Variants in RIT2 observed in about 807,000 individuals in gnomAD.
RIT2 encodes the protein GTP-binding protein Rit2.
In RIT2, 24 loss-of-function variants were observed where a neutral mutation model predicts 23.7. The observed-to-expected ratio is 1.01, with a 90% CI of 0.73 to 1.43. RIT2 has a LOEUF of 1.43. Among genes scored for constraint, RIT2 ranks in the 40% most tolerant of loss-of-function variants. The pLI, the probability that RIT2 is intolerant of heterozygous loss-of-function variation, is 0.00. For synonymous variants in RIT2, 107 were observed against 91.1 expected (o/e 1.17, Z -0.99); for missense variants, 236 against 266.9 (o/e 0.88, Z 0.81).
chr18:42,877,978 C>T (rs556139004), intron 4 of RIT2, among the ~76,000 whole-genome samples: 1 of 151,480 alleles, frequency 6.6e-6, no homozygotes, highest in African/African-American at 2.4e-5. Flanking sequence ...CCCAAGATAC[C>T]ATATTATGTA....
At chr18:43,067,830 G>A (rs139261794) in intron 1 of RIT2, among the ~76,000 whole-genome samples, 99 of 152,210 alleles carry the variant, frequency 6.5e-4, no homozygotes, top group Middle Eastern at 6.8e-3. Context: ...TCTCATGACC[G>A]GAACCAATCT....
At chr18:43,026,588 G>GAAAGAAATAAAT (rs1555652892) in intron 2 of RIT2, among the ~76,000 whole-genome samples, 1 of 109,704 alleles carries the variant, frequency 9.1e-6, no homozygotes, top group Admixed American at 9.0e-5. Flanking sequence ...AAGAAAGAAA[G>GAAAGAAATAAAT]AAAGAAAGAA....
chr18:43,115,457 G>T lies in RIT2; in HGVS notation c.63C>A (p.Tyr21Ter). The T allele has an allele frequency of 3.7e-6, 6 of 1,613,680 alleles. No individual in the cohort carries two copies. The highest frequency in any genetic ancestry group is 5.1e-6 in the Non-Finnish European group (6 of 1,179,822). Residue 21 changes from tyrosine (Y) to a stop codon, truncating the protein, a stop_gained, in exon 1 of 5, where the codon TAC (tyrosine) becomes TAA (stop). Coordinates refer to ENST00000326695, the MANE Select transcript of RIT2 (RefSeq NM_002930.4). LOFTEE classifies it high-confidence loss of function. ...CCCCTGCTCCCAGCATTACCACCTT[G>T]TACTCTCTGGACCCGCCTGATGCGC... ...PGSASGGSREYKVVMLGAGGV... is the reference protein window; with the variant it reads ...PGSASGGSRE
chr18:42,836,630 G>A (rs185765378), intron 4 of RIT2, among the ~76,000 whole-genome samples: 10 of 152,106 alleles, frequency 6.6e-5, no homozygotes, highest in South Asian at 2.1e-4. Flanking sequence ...GAAAAGGAAC[G>A]TTAAGCCCCA....
intron 1 of RIT2, among the ~76,000 whole-genome samples, chr18:43,089,243 A>C (rs1335835889): frequency 6.6e-6 from 1 of 152,116 alleles, no homozygotes; most frequent in East Asian, 1.9e-4. Flanking sequence ...AATGTCAGCA[A>C]AGTCTCAGGA....
At chr18:43,097,135 A>G (rs1035667308) in intron 1 of RIT2, among the ~76,000 whole-genome samples, 1 of 151,952 alleles carries the variant, frequency 6.6e-6, no homozygotes, top group Non-Finnish European at 1.5e-5. Context: ...AAACTGCTAT[A>G]CAATATAATT....
intron 1 of RIT2, among the ~76,000 whole-genome samples, chr18:43,112,769 T>G (rs886779616): frequency 6.6e-6 from 1 of 151,972 alleles, no homozygotes; most frequent in South Asian, 2.1e-4. Flanking sequence ...GAATAAATAT[T>G]AATATACATA....
intron 1 of RIT2, among the ~76,000 whole-genome samples, chr18:43,109,166 C>A (rs1028737197): frequency 6.6e-6 from 1 of 152,180 alleles, no homozygotes; most frequent in African/African-American, 2.4e-5. Context: ...TTTATAAAAT[C>A]CTGCTACATG....
At chr18:42,945,018 T>C (rs1909694296) in intron 3 of RIT2, among the ~76,000 whole-genome samples, 2 of 152,128 alleles carry the variant, frequency 1.3e-5, no homozygotes, top group African/African-American at 2.4e-5. Context: ...AATTATTGCA[T>C]ACTAAGAAAA....
At chr18:43,028,561 A>G (rs1335771836) in intron 2 of RIT2, among the ~76,000 whole-genome samples, 1 of 152,060 alleles carries the variant, frequency 6.6e-6, no homozygotes, top group Non-Finnish European at 1.5e-5. Context: ...CAAACATTCC[A>G]GAGTCATTAA....
chr18:42,938,546 C>T (rs1038068278), intron 3 of RIT2, among the ~76,000 whole-genome samples: 3 of 152,040 alleles, frequency 2.0e-5, no homozygotes, highest in Admixed American at 2.0e-4. Flanking sequence ...ACAAGATAAC[C>T]AAGTTTCAAC....
chr18:43,005,689 C>G (rs1013087950), intron 2 of RIT2, among the ~76,000 whole-genome samples: 3 of 151,698 alleles, frequency 2.0e-5, no homozygotes, highest in Non-Finnish European at 4.4e-5. Flanking sequence ...CCCCCTAAGG[C>G]AAAACCATCA....
intron 4 of RIT2, among the ~76,000 whole-genome samples, chr18:42,873,850 T>G (rs958010377): frequency 2.0e-5 from 3 of 152,118 alleles, no homozygotes; most frequent in African/African-American, 7.2e-5. Context: ...TTGGAAATAG[T>G]TTTGAAGCAG....
chr18:43,037,692 T>TA (rs1441271407), intron 1 of RIT2, among the ~76,000 whole-genome samples: 6 of 152,122 alleles, frequency 3.9e-5, no homozygotes, highest in Non-Finnish European at 7.4e-5. Flanking sequence ...TATACATATA[T>TA]ATTTATGATA....
intron 3 of RIT2, among the ~76,000 whole-genome samples, chr18:42,926,082 T>C (rs1044827421): frequency 2.0e-5 from 3 of 151,770 alleles, no homozygotes; most frequent in African/African-American, 7.2e-5. Flanking sequence ...AAAATTTATC[T>C]ATACCTGAGA....
chr18:42,853,626 T>G (rs1305965677), intron 4 of RIT2, among the ~76,000 whole-genome samples: 1 of 152,230 alleles, frequency 6.6e-6, no homozygotes, highest in Admixed American at 6.5e-5. Context: ...TTTAAGCTAT[T>G]ATTATAATTT....
intron 4 of RIT2, among the ~76,000 whole-genome samples, chr18:42,751,616 T>G (rs1913047893): frequency 6.6e-6 from 1 of 151,968 alleles, no homozygotes; most frequent in African/African-American, 2.4e-5. Context: ...GGCCGAAGTA[T>G]ACTTAAATTG....
At chr18:42,991,740 C>T (rs925673925) in intron 2 of RIT2, among the ~76,000 whole-genome samples, 58 of 152,058 alleles carry the variant, frequency 3.8e-4, no homozygotes, top group African/African-American at 1.1e-3. Context: ...CAAAAGCTCC[C>T]GTACTGAGCA....
At chr18:42,903,320 T>C (rs1368437859) in intron 4 of RIT2, among the ~76,000 whole-genome samples, 3 of 152,036 alleles carry the variant, frequency 2.0e-5, no homozygotes, top group Non-Finnish European at 4.4e-5. Context: ...CCCCAAAATA[T>C]AGAAGATATT....
Sources: allele counts gnomAD v4.1 joint callset (sites outside exome capture counted in the v4.1 genomes callset), GRCh38; gene constraint gnomAD v4.1.1; transcripts MANE v1.5; gene names NCBI Gene and HGNC (gene_info 2026-07-23, HGNC 2026-07-21).